The following ABHD3 variants were observed in gnomAD, a reference collection of about 807,000 sequenced individuals.
ABHD3 encodes the protein abhydrolase domain containing 3, phospholipase.
In ABHD3, 46 loss-of-function variants were observed where a neutral mutation model predicts 48.8. The ratio of observed to expected loss-of-function variants is 0.94; its 90% CI spans 0.74 to 1.20. The LOEUF is 1.20. ABHD3 is among the 50% of genes most tolerant of loss of function. ABHD3 has a pLI of 0.00. For missense variants in ABHD3, 490 were observed against 497.8 expected, an observed-to-expected ratio of 0.98 and a Z score of 0.15; for synonymous variants, 192 against 183.7, an observed-to-expected ratio of 1.04 and a Z score of -0.36.
intron 6 of ABHD3, 82 bp downstream of exon 6, chr18:21,659,088 C>T (rs2039422986): frequency 7.1e-7 from 1 of 1,408,768 alleles, no homozygotes; most frequent in South Asian, 1.4e-5. Flanking sequence ...ATCCCCCCGC[C>T]TCAGCCTCCC....
chr18:21,663,641 T>C, intron 5 of ABHD3: 1 of 1,530,318 alleles, frequency 6.5e-7, no homozygotes, highest in Non-Finnish European at 8.8e-7. Context: ...GTAGTTCCAT[T>C]TGCCCAGCAA....
At chr18:21,704,282 T>A (rs1302415154) in intron 1 of ABHD3, among the ~76,000 whole-genome samples, 1 of 152,098 alleles carries the variant, frequency 6.6e-6, no homozygotes, top group Non-Finnish European at 1.5e-5. Flanking sequence ...GTCAGCCGGG[T>A]TCAGGCTGCG....
chr18:21,679,659 G>A (rs1307807586), intron 4 of ABHD3, among the ~76,000 whole-genome samples: 1 of 152,090 alleles, frequency 6.6e-6, no homozygotes, highest in Non-Finnish European at 1.5e-5. Flanking sequence ...CTCCCGAGTA[G>A]CTGGGATTAT....
chr18:21,703,475 T>C, intron 2 of ABHD3, 109 bp downstream of exon 2: 2 of 1,341,390 alleles, frequency 1.5e-6, no homozygotes, highest in East Asian at 2.3e-5. Context: ...CTTTCTGTTC[T>C]ATATACTTCC....
chr18:21,677,203 T>C (rs2039902006), intron 4 of ABHD3, among the ~76,000 whole-genome samples: 1 of 148,236 alleles, frequency 6.7e-6, no homozygotes, highest in Admixed American at 6.7e-5. Context: ...CTTCATTCCC[T>C]TTTTTTTTTG....
At chr18:21,663,414 C>T (rs551278422) in intron 5 of ABHD3, among the ~76,000 whole-genome samples, 3 of 150,912 alleles carry the variant, frequency 2.0e-5, no homozygotes, top group East Asian at 3.9e-4. Flanking sequence ...GTAAAATTCC[C>T]GATAATAAAA....
At chr18:21,676,258 G>A (rs1324770900) in intron 4 of ABHD3, among the ~76,000 whole-genome samples, 2 of 152,088 alleles carry the variant, frequency 1.3e-5, no homozygotes, top group African/African-American at 2.4e-5. Flanking sequence ...CCAAACTTAG[G>A]TAAATCATTT....
intron 3 of ABHD3, among the ~76,000 whole-genome samples, chr18:21,688,550 A>G (rs2040177222): frequency 6.6e-6 from 1 of 152,216 alleles, no homozygotes; most frequent in Non-Finnish European, 1.5e-5. Flanking sequence ...TAAAGTATCA[A>G]CATAAGGTTC....
intron 5 of ABHD3, 139 bp downstream of exon 5, chr18:21,663,979 C>T (rs558837403): frequency 1.9e-5 from 27 of 1,428,342 alleles, no homozygotes; most frequent in African/African-American, 7.2e-5. Context: ...TTCAATCAAC[C>T]GCATTTAATA....
Position 21,670,223 on chromosome 18 carries a change from C to T in ABHD3, c.556-5993G>A, listed in dbSNP as rs1204008579. Among the ~76,000 whole-genome samples, 5 of 152,066 alleles carry T rather than the reference C, an allele frequency of 3.3e-5. No individual in the cohort carries two copies. In the South Asian group the frequency reaches 1.0e-3, roughly 32 times the overall value. On this transcript the variant is annotated intron_variant, in intron 4 of 8. Transcript: ENST00000289119. ...AGGCTCCGATGGCTAGAGAAGGCCC[C>T]CAGTCACAGAGATGCAGGAAGCCCT...
At chr18:21,704,065 G>T (rs551822826) in intron 1 of ABHD3, among the ~76,000 whole-genome samples, 23 of 152,272 alleles carry the variant, frequency 1.5e-4, no homozygotes, top group African/African-American at 5.1e-4. Flanking sequence ...CTAATTTTTT[G>T]TAATTGTAAC....
chr18:21,675,262 GTTTTTTTTT>G (rs61119109), intron 4 of ABHD3, among the ~76,000 whole-genome samples: 2 of 85,490 alleles, frequency 2.3e-5, no homozygotes, highest in African/African-American at 4.9e-5. Flanking sequence ...AATGAGGTGG[GTTTTTTTTT>G]TTTTTTTTTT....
rs1555679498 is a variant in ABHD3 at position 21,668,217 on chromosome 18, A to AAAAG, written c.556-3991_556-3988dup. Among the ~76,000 whole-genome samples the AAAAG allele has an allele frequency of 5.1e-3, 702 of 137,526 alleles. 10 individuals carry two copies. The highest frequency in any genetic ancestry group is 0.025 in the Middle Eastern group (6 of 236). 90.2% of individuals were successfully genotyped at this position (137,526 alleles called of 152,430 possible). A position where few individuals can be genotyped will look rare whatever the true frequency, so the allele number is the denominator to read the frequency against. On this transcript the variant is annotated intron_variant, in intron 4 of 8. Coordinates refer to ENST00000289119, the MANE Select transcript of ABHD3 (RefSeq NM_138340.5). ...ATCTATCTCAAAAAAAAAAAAAAAA[A>AAAAG]AAAGAAAGAAAAAGAAAAGAAAATA...
At chr18:21,677,544 T>C (rs560116661) in intron 4 of ABHD3, among the ~76,000 whole-genome samples, 5 of 152,198 alleles carry the variant, frequency 3.3e-5, no homozygotes, top group African/African-American at 1.2e-4. Flanking sequence ...TATTCCAGGA[T>C]ATGGAGCTAT....
chr18:21,703,923 T>G (rs2040574776), intron 1 of ABHD3, 176 bp from the exon 2 acceptor site: 1 of 619,994 alleles, frequency 1.6e-6, no homozygotes, highest in African/African-American at 1.8e-5. Flanking sequence ...GTTTCGCCAA[T>G]GCCCCGAGGG....
chr18:21,674,565 A>C (rs1310791745), intron 4 of ABHD3, among the ~76,000 whole-genome samples: 1 of 152,044 alleles, frequency 6.6e-6, no homozygotes, highest in Non-Finnish European at 1.5e-5. Flanking sequence ...TCTACGTTTA[A>C]AATTTTTGTT....
chr18:21,669,809 G>A (rs1328360512), intron 4 of ABHD3, among the ~76,000 whole-genome samples: 1 of 152,108 alleles, frequency 6.6e-6, no homozygotes, highest in African/African-American at 2.4e-5. Context: ...CAATCCTGTA[G>A]CTTCTTCCTC....
intron 5 of ABHD3, among the ~76,000 whole-genome samples, chr18:21,663,437 C>G (rs1379361179): frequency 1.3e-5 from 2 of 151,244 alleles, no homozygotes; most frequent in African/African-American, 4.9e-5. Context: ...TTTGGATTTC[C>G]TTAAGCTCAC....
intron 4 of ABHD3, among the ~76,000 whole-genome samples, chr18:21,677,668 T>A (rs2039915679): frequency 6.6e-6 from 1 of 151,704 alleles, no homozygotes; most frequent in Non-Finnish European, 1.5e-5. Context: ...TACTTTTTTG[T>A]TTTTGGTTAT....
Sources: allele counts gnomAD v4.1 joint callset (sites outside exome capture counted in the v4.1 genomes callset), GRCh38; gene constraint gnomAD v4.1.1; transcripts MANE v1.5; gene names NCBI Gene and HGNC (gene_info 2026-07-23, HGNC 2026-07-21).